The following MAP3K21 variants were observed in gnomAD, a reference collection of about 807,000 sequenced individuals.
The protein encoded by MAP3K21 is mitogen-activated protein kinase kinase kinase MLK4.
MAP3K21 carries 63 observed loss-of-function variants against 86.1 expected under a neutral mutation model. The observed-to-expected ratio is 0.73, with a 90% CI of 0.60 to 0.90. MAP3K21 has a LOEUF of 0.90. Ranked by LOEUF, MAP3K21 falls within the 40% of genes least tolerant of loss-of-function variation. MAP3K21 has a pLI of 0.00. For synonymous variants in MAP3K21, 558 were observed against 564.8 expected, an observed-to-expected ratio of 0.99 and a Z score of 0.17; for missense variants, 1,220 against 1,367.7, an observed-to-expected ratio of 0.89 and a Z score of 1.70.
Position 233,362,066 on chromosome 1 carries a change from G to C in MAP3K21, c.1325G>C (p.Arg442Pro). ...LRTKEKELRS[R>P]EEELTRAALQ... is the part of the protein sequence containing the mutation. ...TCTGTGTCGCAGGAGCTGCGATCCC[G>C]GGAAGAGGAGCTGACTCGGGCGGCT... The change falls in exon 5 of 10, where the codon CGG (arginine) becomes CCG (proline). Residue 442 changes from arginine (R) to proline (P), a missense_variant. Arg to Pro is a moderately radical substitution (Grantham distance 103). Coordinates refer to ENST00000366624, the MANE Select transcript of MAP3K21 (RefSeq NM_032435.3). 1 of 1,612,170 alleles carries C rather than the reference G, an allele frequency of 6.2e-7. No homozygotes were observed. Among genetic ancestry groups the C allele is most frequent in the Middle Eastern group, 1.7e-4 (1 of 5,854 alleles).
At chr1:233,366,728 T>C (rs779123472) in intron 5 of MAP3K21, among the ~76,000 whole-genome samples, 5 of 152,354 alleles carry the variant, frequency 3.3e-5, no homozygotes, top group Non-Finnish European at 7.3e-5. Context: ...AAAAACTTGG[T>C]ATTAAATATG....
intron 1 of MAP3K21, among the ~76,000 whole-genome samples, chr1:233,345,712 C>A (rs529872586): frequency 1.4e-4 from 21 of 147,434 alleles, no homozygotes; most frequent in African/African-American, 5.2e-4. Flanking sequence ...GCACATGTAC[C>A]CTAGAACTCA....
chr1:233,328,301 C>T lies in MAP3K21; in HGVS notation c.273C>T (p.Ile91=), dbSNP rs972879284. The change falls in exon 1 of 10, where the codon ATC becomes ATT. Residue 91 remains isoleucine, a synonymous_variant. Coordinates refer to ENST00000366624, the MANE Select transcript of MAP3K21 (RefSeq NM_032435.3). The surrounding 1 kb of genome is among the most constrained non-coding windows in gnomAD (Gnocchi z 8.7). ...WAGQVQRRLG[I]FPANYVAPCR... ...GCCAGGTGCAGCGGCGCCTCGGCAT[C>T]TTCCCCGCCAACTACGTGGCTCCCT... The T allele has an allele frequency of 5.2e-5, 78 of 1,485,786 alleles. No individual in the cohort carries two copies. The Middle Eastern group carries it at 1.2e-3, about 22-fold the overall frequency. The allele number at this position is 1,485,786 out of a possible 1,614,324, so 92.0% of individuals were successfully genotyped here.
chr1:233,344,691 A>G (rs1327418080), intron 1 of MAP3K21, among the ~76,000 whole-genome samples: 6 of 152,216 alleles, frequency 3.9e-5, no homozygotes. Flanking sequence ...CATAACCAAA[A>G]CACCAAAAGC....
rs539661746 is a variant in MAP3K21, at chr1:233,376,445, C to G, written c.1842C>G (p.Ser614=). The part of the protein sequence containing the change: ...TDCKERIRPL[S]DGNSPWSTIL... Reference sequence around the variant, plus strand: ...TCTCTTGTAGGATAAGACCTCTCTCCGATGGCAACAGTCCTTGGTCAACTA... The same window carrying G: ...TCTCTTGTAGGATAAGACCTCTCTCGGATGGCAACAGTCCTTGGTCAACTA... The change falls in exon 8 of 10, where the codon TCC becomes TCG. Residue 614 remains serine, a synonymous_variant. Coordinates refer to ENST00000366624, the MANE Select transcript of MAP3K21 (RefSeq NM_032435.3). The G allele has an allele frequency of 8.1e-6, 13 of 1,612,350 alleles. No individual in the cohort carries two copies. The highest frequency in any genetic ancestry group is 4.5e-5 in the East Asian group (2 of 44,848).
At chr1:233,352,673 C>A (rs1007786195) in intron 2 of MAP3K21, among the ~76,000 whole-genome samples, 4 of 152,102 alleles carry the variant, frequency 2.6e-5, no homozygotes, top group African/African-American at 9.7e-5. Context: ...TCAGGTGATC[C>A]ACCCACCTCA....
rs1436488912 is a variant in MAP3K21 at position 233,327,745 on chromosome 1, G to T, written c.-284G>T. 3.9e-6 allele frequency: 1 copy of T among 254,040 alleles called. No individual in the cohort carries two copies. Among genetic ancestry groups the T allele is most frequent in the Admixed American group, 5.6e-5 (1 of 18,010 alleles). 15.7% of individuals were successfully genotyped at this position (254,040 alleles called of 1,614,324 possible). Reference sequence around the variant, plus strand: ...GGGCGTCCCAGGCTCTGGCTAAGGAGCGCGCGGCGGGCGGGCCGGCCGCAG... The same window carrying T: ...GGGCGTCCCAGGCTCTGGCTAAGGATCGCGCGGCGGGCGGGCCGGCCGCAG... On this transcript the variant is annotated 5_prime_UTR_variant, in exon 1 of 10. Transcript: ENST00000366624.
At position 233,328,194 on chromosome 1, in the gene MAP3K21, G is replaced by A. The variant is rs1662732064; in HGVS notation, c.166G>A (p.Glu56Lys). Residue 56 changes from glutamate to lysine, a missense_variant, in exon 1 of 10, where the codon GAG becomes AAG. Coordinates refer to ENST00000366624, the MANE Select transcript of MAP3K21 (RefSeq NM_032435.3). This position sits in a 1 kb window ranked among gnomAD's most constrained non-coding sequence, Gnocchi z 8.7. ...LYDYEARGED[E>K]LSLRRGQLVE... ...TGACTACGAGGCTCGCGGCGAGGAC[G>A]AGCTGAGCCTGCGGCGCGGCCAGCT... The A allele has an allele frequency of 6.7e-6, 10 of 1,483,468 alleles. No individual in the cohort carries two copies. The highest frequency in any genetic ancestry group is 8.9e-6 in the Non-Finnish European group (10 of 1,124,882). 91.9% of individuals were successfully genotyped at this position (1,483,468 alleles called of 1,614,324 possible).
chr1:233,375,167 G>C (rs1031662849), intron 6 of MAP3K21, among the ~76,000 whole-genome samples: 7 of 151,788 alleles, frequency 4.6e-5, no homozygotes, highest in African/African-American at 2.4e-5. Context: ...TGGTCTCGAA[G>C]TCCTGACCTT....
intron 5 of MAP3K21, among the ~76,000 whole-genome samples, chr1:233,368,192 A>T (rs1277938048): frequency 6.6e-6 from 1 of 152,182 alleles, no homozygotes; most frequent in Non-Finnish European, 1.5e-5. Context: ...GTCGTGTTGT[A>T]ACAATCAGGT....
intron 1 of MAP3K21, among the ~76,000 whole-genome samples, chr1:233,345,726 TATAATAATAATAATA>T (rs72300159): frequency 1.2e-4 from 18 of 146,246 alleles, no homozygotes; most frequent in Admixed American, 2.7e-4. Flanking sequence ...GAACTCAAAG[TATAATAATAATAATA>T]ATAATAATAA....
At chr1:233,378,578 A>G (rs746151750) in intron 8 of MAP3K21, among the ~76,000 whole-genome samples, 2 of 152,232 alleles carry the variant, frequency 1.3e-5, no homozygotes, top group Non-Finnish European at 2.9e-5. Context: ...AAAAGAGCAC[A>G]TTTGGTGACA....
intron 5 of MAP3K21, among the ~76,000 whole-genome samples, chr1:233,365,748 T>A (rs552071299): frequency 1.4e-4 from 22 of 152,180 alleles, no homozygotes; most frequent in African/African-American, 4.8e-4. Context: ...GAAGTGTAAG[T>A]TAGTACAGCC....
Position 233,361,516 on chromosome 1 carries a change from A to G in MAP3K21, c.1312-537A>G, listed in dbSNP as rs564268096. ...GATTTTCTCCCTTACTCTCTCCACC[A>G]AGATGTTTTATTCCTTAAGCAAAGT... is the stretch of plus-strand genomic sequence containing the variant. On this transcript the variant is annotated intron_variant, in intron 4 of 9. Transcript: ENST00000366624. Among the ~76,000 whole-genome samples, 9 of 152,284 alleles carry G rather than the reference A, an allele frequency of 5.9e-5. No homozygotes were observed. The South Asian group carries it at 1.9e-3, about 32-fold the overall frequency.
chr1:233,341,430 A>G (rs1663038045), intron 1 of MAP3K21, among the ~76,000 whole-genome samples: 2 of 152,146 alleles, frequency 1.3e-5, no homozygotes, highest in Non-Finnish European at 2.9e-5. Flanking sequence ...ATCCAAAACA[A>G]TGGGCTTTTC....
rs141159053 is a variant in MAP3K21, at chr1:233,331,843, A to T, written c.805+3010A>T. On this transcript the variant is annotated intron_variant, in intron 1 of 9. Transcript: ENST00000366624. ...GATAATAGCTGATATGTTGTGAATG[A>T]TATAAACAACTTTGTCCCTTTTCTA... 1.1e-4 allele frequency among the ~76,000 whole-genome samples: 16 copies of T among 152,346 alleles called. No homozygotes were observed. In the East Asian group the frequency reaches 1.2e-3, roughly 11 times the overall value.
chr1:233,331,406 T>G (rs1356026792), intron 1 of MAP3K21, among the ~76,000 whole-genome samples: 1 of 152,206 alleles, frequency 6.6e-6, no homozygotes, highest in Non-Finnish European at 1.5e-5. Flanking sequence ...TCATACATGG[T>G]CTTTATCCTG....
chr1:233,330,352 A>T (rs1662787238), intron 1 of MAP3K21, among the ~76,000 whole-genome samples: 1 of 152,218 alleles, frequency 6.6e-6, no homozygotes, highest in African/African-American at 2.4e-5. Flanking sequence ...GACCACATGA[A>T]GGACTATAGC....
At chr1:233,366,433 A>G (rs1425414015) in intron 5 of MAP3K21, among the ~76,000 whole-genome samples, 1 of 152,228 alleles carries the variant, frequency 6.6e-6, no homozygotes, top group Non-Finnish European at 1.5e-5. Flanking sequence ...TATTGTAAAC[A>G]AGTACCAAAA....
Sources: allele counts gnomAD v4.1 joint callset (sites outside exome capture counted in the v4.1 genomes callset), GRCh38; gene constraint gnomAD v4.1.1; non-coding constraint Gnocchi (gnomAD v3.1); transcripts MANE v1.5; gene names NCBI Gene and HGNC (gene_info 2026-07-23, HGNC 2026-07-21).